Variants in PRPSAP2 observed in about 807,000 individuals in gnomAD.
The protein encoded by PRPSAP2 is phosphoribosyl pyrophosphate synthetase associated protein 2.
In PRPSAP2, 24 loss-of-function variants were observed where a neutral mutation model predicts 40.6. That is an observed-to-expected ratio of 0.59 (90% CI 0.43 to 0.83). PRPSAP2 has a LOEUF of 0.83. PRPSAP2 is among the 40% of genes least tolerant of loss of function. The pLI, the probability that PRPSAP2 is intolerant of heterozygous loss-of-function variation, is 0.00. For missense variants in PRPSAP2, 292 were observed against 465.6 expected (o/e 0.63, Z 3.43); for synonymous variants, 149 against 164.7 (o/e 0.90, Z 0.73).
intron 8 of PRPSAP2, among the ~76,000 whole-genome samples, chr17:18,896,214 T>C (rs1843357811): frequency 6.6e-6 from 1 of 152,200 alleles, no homozygotes; most frequent in Non-Finnish European, 1.5e-5. Flanking sequence ...GTGATATGTT[T>C]GTTTAGTGGC....
At chr17:18,917,581 A>G in intron 9 of PRPSAP2, 1 of 36,206 alleles carries the variant, frequency 2.8e-5, no homozygotes, top group African/African-American at 1.3e-4. Flanking sequence ...TATTATTATT[A>G]TTATTTTTTT....
intron 8 of PRPSAP2, among the ~76,000 whole-genome samples, chr17:18,910,620 A>G (rs949061898): frequency 4.6e-5 from 7 of 152,212 alleles, no homozygotes; most frequent in Non-Finnish European, 8.8e-5. Flanking sequence ...ATATGGGCAC[A>G]TACAGCCTTC....
intron 1 of PRPSAP2, chr17:18,858,597 AT>A (rs1344420271): frequency 6.6e-6 from 1 of 152,296 alleles, no homozygotes; most frequent in African/African-American, 2.4e-5. Flanking sequence ...AGACCCAGCC[AT>A]TCTCCGTCCC....
chr17:18,885,884 G>A (rs2039107746), intron 7 of PRPSAP2, among the ~76,000 whole-genome samples: 2 of 152,108 alleles, frequency 1.3e-5, no homozygotes, highest in South Asian at 4.1e-4. Context: ...ACCGCACTTG[G>A]CCTAATTTTT....
At chr17:18,908,277 A>G in intron 8 of PRPSAP2, 1 of 771,410 alleles carries the variant, frequency 1.3e-6, no homozygotes, top group Non-Finnish European at 2.4e-6. Context: ...CTTTCGCAGC[A>G]CGCCAAGGAC....
At chr17:18,868,822 G>A (rs899727239) in intron 4 of PRPSAP2, among the ~76,000 whole-genome samples, 2 of 151,412 alleles carry the variant, frequency 1.3e-5, no homozygotes, top group Non-Finnish European at 2.9e-5. Flanking sequence ...CCCCCAAAGT[G>A]CTAGGATTAC....
rs767190218 is a variant in PRPSAP2, at chr17:18,877,889, T to C, written c.412+19T>C. 1.3e-6 allele frequency: 2 copies of C among 1,571,644 alleles called. No homozygotes were observed. The highest frequency in any genetic ancestry group is 4.5e-5 in the East Asian group (2 of 44,666). ...AAAGCTGGTAAGAATGGCAGATGTT[T>C]CACAATTAATTGGGGGCCTGGGAGT... On this transcript the variant is annotated intron_variant, in intron 6 of 11. Coordinates refer to ENST00000268835, the MANE Select transcript of PRPSAP2 (RefSeq NM_002767.4).
At chr17:18,892,044 A>G (rs2039577025) in intron 8 of PRPSAP2, among the ~76,000 whole-genome samples, 1 of 152,172 alleles carries the variant, frequency 6.6e-6, no homozygotes, top group Non-Finnish European at 1.5e-5. Context: ...TCTGGTAGAG[A>G]TGAGGTTTCA....
chr17:18,866,059 TATAAA>T (rs2037402500), intron 3 of PRPSAP2, 107 bp downstream of exon 3: 3 of 760,666 alleles, frequency 3.9e-6, no homozygotes, highest in East Asian at 4.7e-5. Context: ...ATTTTATAAT[TATAAA>T]ATAATTATAT....
In PRPSAP2 at chr17:18,882,699, C is replaced by T; in HGVS notation, c.528+16C>T. 2.7e-6 allele frequency: 4 copies of T among 1,474,104 alleles called. No individual in the cohort carries two copies. Among genetic ancestry groups the T allele is most frequent in the Non-Finnish European group, 3.8e-6 (4 of 1,057,142 alleles). The allele number at this position is 1,474,104 out of a possible 1,614,324, so 91.3% of individuals were successfully genotyped here. Reference sequence around the variant, plus strand: ...TCAAGAAGAGGTGAGCTAGCTCAAACTTTTTTATTTTAACATTCTGATTAA... The same window carrying T: ...TCAAGAAGAGGTGAGCTAGCTCAAATTTTTTTATTTTAACATTCTGATTAA... On this transcript the variant is annotated intron_variant, in intron 7 of 11. Transcript: ENST00000268835.
chr17:18,886,929 C>CTTT (rs71155365), intron 7 of PRPSAP2, among the ~76,000 whole-genome samples: 774 of 75,318 alleles, frequency 0.01, 2 homozygotes, highest in East Asian at 0.017. Context: ...TTCTTTTCTT[C>CTTT]TTTTTTTTTT....
chr17:18,866,355 G>T lies in PRPSAP2; in HGVS notation c.119+403G>T, dbSNP rs146930246. Among the ~76,000 whole-genome samples the T allele has an allele frequency of 6.0e-3, 920 of 152,252 alleles. 43 individuals are homozygous for T. Among genetic ancestry groups the T allele is most frequent in the Admixed American group, 0.053 (804 of 15,282 alleles). On this transcript the variant is annotated intron_variant, in intron 3 of 11. Coordinates refer to ENST00000268835, the MANE Select transcript of PRPSAP2 (RefSeq NM_002767.4). ...CAAGGCGGGTGTATCACGAGGTCAG[G>T]AGATTGAGACCATCCTAGTTAACAA...
chr17:18,924,127 CCT>C, intron 10 of PRPSAP2, 143 bp downstream of exon 10: 1 of 681,924 alleles, frequency 1.5e-6, no homozygotes. Context: ...GCAACTTCTG[CCT>C]CCCAGGTTCA....
intron 8 of PRPSAP2, chr17:18,908,945 TA>T (rs1382850012): frequency 5.5e-6 from 2 of 360,630 alleles, no homozygotes; most frequent in African/African-American, 4.3e-5. Context: ...GGTTTGTTTT[TA>T]TTCTGTTTTG....
At position 18,892,797 on chromosome 17, in the gene PRPSAP2, C is replaced by T. The variant is rs550590849; in HGVS notation, c.584+2920C>T. Reference sequence around the variant, plus strand: ...TCACCCAGGCTGGAGTGCAGTGGCGCGATCTCGGCTCACTGCAACCTCCGC... The same window carrying T: ...TCACCCAGGCTGGAGTGCAGTGGCGTGATCTCGGCTCACTGCAACCTCCGC... On this transcript the variant is annotated intron_variant, in intron 8 of 11. Transcript: ENST00000268835. 8.1e-4 allele frequency among the ~76,000 whole-genome samples: 122 copies of T among 150,508 alleles called. No individual in the cohort carries two copies. In the Middle Eastern group the frequency reaches 0.01, roughly 13 times the overall value.
intron 9 of PRPSAP2, among the ~76,000 whole-genome samples, chr17:18,912,713 G>C (rs1307425672): frequency 6.6e-6 from 1 of 152,204 alleles, no homozygotes; most frequent in Non-Finnish European, 1.5e-5. Flanking sequence ...TGGTGGGACA[G>C]ACATTGGATA....
rs2037965310 is a variant in PRPSAP2 at position 18,872,502 on chromosome 17, G to A, written c.173-81G>A. ...AGTTGCCATATTCTATTACATTAGG[G>A]AATAATACAGATTTTTTTGTGTATT... On this transcript the variant is annotated intron_variant, in intron 4 of 11. Transcript: ENST00000268835. The A allele has an allele frequency of 4.7e-6, 5 of 1,059,212 alleles. No individual in the cohort carries two copies. In the South Asian group the frequency reaches 5.4e-5, roughly 11 times the overall value. The allele number at this position is 1,059,212 out of a possible 1,614,324, so 65.6% of individuals were successfully genotyped here. A position where few individuals can be genotyped will look rare whatever the true frequency, so the allele number is the denominator to read the frequency against.
intron 1 of PRPSAP2, among the ~76,000 whole-genome samples, chr17:18,862,981 C>G (rs2037145249): frequency 6.8e-6 from 1 of 147,996 alleles, no homozygotes; most frequent in African/African-American, 2.5e-5. Flanking sequence ...CCACCACGCC[C>G]ACCTAATTTT....
chr17:18,912,619 C>T (rs140016801), intron 9 of PRPSAP2, among the ~76,000 whole-genome samples: 1 of 152,228 alleles, frequency 6.6e-6, no homozygotes, highest in African/African-American at 2.4e-5. Flanking sequence ...GGTAAGACTC[C>T]AGCTCTGGGA....
Sources: allele counts gnomAD v4.1 joint callset (sites outside exome capture counted in the v4.1 genomes callset), GRCh38; gene constraint gnomAD v4.1.1; transcripts MANE v1.5; gene names NCBI Gene and HGNC (gene_info 2026-07-23, HGNC 2026-07-21).